Variants in MFSD1 observed in about 807,000 individuals in gnomAD.
MFSD1 encodes the protein major facilitator superfamily domain containing 1, also known as lysosomal dipeptide transporter MFSD1.
A neutral mutation model predicts 67.1 loss-of-function variants in MFSD1; 59 were observed. The ratio of observed to expected loss-of-function variants is 0.88; its 90% CI spans 0.71 to 1.09. The LOEUF (loss-of-function observed/expected upper bound fraction) is 1.09, where lower values mean the gene tolerates loss of function less well. Among genes scored for constraint, MFSD1 ranks in the 50% least tolerant of loss-of-function variants. MFSD1 has a pLI of 0.00. For missense variants in MFSD1, 552 were observed against 566.1 expected (o/e 0.97, Z 0.25); for synonymous variants, 213 against 200.3 (o/e 1.06, Z -0.54).
At chr3:158,816,838 G>A (rs1043341060) in intron 7 of MFSD1, among the ~76,000 whole-genome samples, 10 of 146,562 alleles carry the variant, frequency 6.8e-5, no homozygotes, top group South Asian at 2.2e-4. Flanking sequence ...TCAGGGGTAA[G>A]GAAGGGATCC....
intron 11 of MFSD1, 68 bp from the exon 12 acceptor site, chr3:158,823,360 C>A: frequency 9.3e-7 from 1 of 1,074,198 alleles, no homozygotes; most frequent in Non-Finnish European, 1.5e-6. Context: ...TTTTGCTAAT[C>A]TGCATTAAAG....
chr3:158,802,516 G>C (rs1729511279), intron 1 of MFSD1: 1 of 741,790 alleles, frequency 1.3e-6, no homozygotes, highest in Admixed American at 2.0e-5. Flanking sequence ...TCCGGAACGT[G>C]GAGGTCGAGG....
intron 3 of MFSD1, among the ~76,000 whole-genome samples, chr3:158,806,750 A>T (rs1016207827): frequency 1.3e-5 from 2 of 152,154 alleles, no homozygotes; most frequent in Admixed American, 6.5e-5. Flanking sequence ...GATTAGTTTT[A>T]TTTAAGAGAT....
chr3:158,825,932 A>T, intron 13 of MFSD1, 83 bp from the exon 14 acceptor site: 1 of 1,066,276 alleles, frequency 9.4e-7, no homozygotes, highest in Admixed American at 1.7e-5. Context: ...ATTGTGTCTA[A>T]GCTTTGCTTT....
In MFSD1 at chr3:158,820,278, T is replaced by A; in HGVS notation, c.815T>A (p.Ile272Asn). 1 of 1,611,998 alleles carries A rather than the reference T, an allele frequency of 6.2e-7. No homozygotes were observed. The highest frequency in any genetic ancestry group is 8.5e-7 in the Non-Finnish European group (1 of 1,178,260). The change falls in exon 9 of 16, where the codon ATC (isoleucine) becomes AAC (asparagine). Residue 272 changes from isoleucine to asparagine, a missense_variant. Coordinates refer to ENST00000415822, the MANE Select transcript of MFSD1 (RefSeq NM_022736.4). ...TTACCCCTGTGGCTTATATTTATCA[T>A]CTGTGTCTGCTATTATGTTGCTGTG... ...FSLPLWLIFI[I>N]CVCYYVAVFP...
At chr3:158,816,556 T>C (rs1317160401) in intron 7 of MFSD1, among the ~76,000 whole-genome samples, 4 of 151,936 alleles carry the variant, frequency 2.6e-5, no homozygotes, top group Admixed American at 2.0e-4. Flanking sequence ...ATTAGCCCTT[T>C]GTCAGATGAG....
chr3:158,814,796 A>G (rs772361211), intron 7 of MFSD1, among the ~76,000 whole-genome samples: 7 of 152,188 alleles, frequency 4.6e-5, no homozygotes, highest in Non-Finnish European at 8.8e-5. Flanking sequence ...TTAAAAGTTT[A>G]TAGCAGCCGG....
chr3:158,828,483 T>C (rs1731128008), intron 15 of MFSD1, among the ~76,000 whole-genome samples: 1 of 152,026 alleles, frequency 6.6e-6, no homozygotes, highest in Non-Finnish European at 1.5e-5. Context: ...ATGTTAAAAG[T>C]TTGGAAACAA....
intron 7 of MFSD1, among the ~76,000 whole-genome samples, chr3:158,816,827 A>G (rs910343128): frequency 4.8e-5 from 7 of 145,462 alleles, no homozygotes; most frequent in African/African-American, 1.0e-4. Flanking sequence ...TAATTTTTGT[A>G]TCAGGGGTAA....
intron 7 of MFSD1, chr3:158,819,406 C>G: frequency 3.0e-6 from 1 of 328,130 alleles, no homozygotes. Flanking sequence ...CTAGTCTTTT[C>G]CTTTTAATCT....
At chr3:158,813,867 G>T in intron 6 of MFSD1, 98 bp from the exon 7 acceptor site, 22 of 581,564 alleles carry the variant, frequency 3.8e-5, no homozygotes, top group East Asian at 4.1e-5. Context: ...TGTTCAATTT[G>T]GATCCTACTT....
intron 7 of MFSD1, among the ~76,000 whole-genome samples, chr3:158,815,804 T>G (rs924216830): frequency 4.1e-4 from 54 of 133,172 alleles, no homozygotes; most frequent in African/African-American, 1.4e-3. Context: ...CCCTCCCTCC[T>G]CCCCCCACCC....
intron 6 of MFSD1, among the ~76,000 whole-genome samples, chr3:158,813,105 CTT>C (rs140028803): frequency 3.6e-5 from 5 of 139,098 alleles, no homozygotes; most frequent in Admixed American, 7.2e-5. Flanking sequence ...AGATATTTTA[CTT>C]TTTTTTTTTT....
intron 11 of MFSD1, chr3:158,822,515 T>C (rs1333494076): frequency 1.9e-5 from 3 of 154,938 alleles, no homozygotes; most frequent in African/African-American, 7.2e-5. Context: ...CCAGTAACTC[T>C]TCTTTTTCTT....
chr3:158,827,435 T>C (rs1731038386), intron 15 of MFSD1, 98 bp downstream of exon 15: 6 of 682,392 alleles, frequency 8.8e-6, no homozygotes. Flanking sequence ...TTTTTTTTTT[T>C]TTGATTCCCA....
At position 158,827,005 on chromosome 3, in the gene MFSD1, A is replaced by C. The variant is rs542368359; in HGVS notation, c.1337-275A>C. Reference sequence around the variant, plus strand: ...TTTCACTATTATTGAATATTAATACAGTGTCCTAAGTAACAACACTTGAAG... The same window carrying C: ...TTTCACTATTATTGAATATTAATACCGTGTCCTAAGTAACAACACTTGAAG... On this transcript the variant is annotated intron_variant, in intron 14 of 15. Transcript: ENST00000415822. Among the ~76,000 whole-genome samples the C allele has an allele frequency of 2.0e-5, 3 of 152,312 alleles. No individual in the cohort carries two copies. The South Asian group carries it at 6.2e-4, about 32-fold the overall frequency.
chr3:158,828,680 A>C (rs1576920024), intron 15 of MFSD1, among the ~76,000 whole-genome samples: 1 of 152,322 alleles, frequency 6.6e-6, no homozygotes, highest in East Asian at 1.9e-4. Flanking sequence ...GTATGCTGTC[A>C]CATGCTTGTT....
intron 1 of MFSD1, chr3:158,802,621 T>C (rs1484368919): frequency 1.6e-6 from 1 of 634,038 alleles, no homozygotes; most frequent in African/African-American, 1.8e-5. Context: ...TGAAGGTAAC[T>C]CCAGATTTTC....
Position 158,807,086 on chromosome 3 carries a change from A to G in MFSD1, c.372+4A>G. 6.2e-7 allele frequency: 1 copy of G among 1,610,360 alleles called. No homozygotes were observed. The highest frequency in any genetic ancestry group is 1.1e-5 in the South Asian group (1 of 90,602). On this transcript the variant is annotated splice_donor_region_variant and intron_variant, in intron 4 of 15. Coordinates refer to ENST00000415822, the MANE Select transcript of MFSD1 (RefSeq NM_022736.4). ...CTGCTTTGTTTGCATTGGACAGGTA[A>G]GGAAGGCCAAAACATTCATTGATTA...
Sources: gnomAD v4.1 joint callset for allele counts (sites outside exome capture counted in the v4.1 genomes callset) on GRCh38, gnomAD v4.1.1 for gene constraint, MANE v1.5 for transcripts, NCBI Gene and HGNC (gene_info 2026-07-23, HGNC 2026-07-21) for gene names.